Variants in MAGI1 observed in about 807,000 individuals in gnomAD.
MAGI1 encodes the protein membrane-associated guanylate kinase, WW and PDZ domain-containing protein 1.
MAGI1 carries 58 observed loss-of-function variants against 139.9 expected under a neutral mutation model. The observed-to-expected ratio is 0.41, with a 90% CI of 0.34 to 0.52. The LOEUF (loss-of-function observed/expected upper bound fraction) is 0.52. Among genes scored for constraint, MAGI1 ranks in the 20% least tolerant of loss-of-function variants. The probability of loss-of-function intolerance (pLI) is 0.12; values close to 1 mark genes in which losing one functional copy is unlikely to be tolerated. For missense variants in MAGI1, 1,874 were observed against 1,901.6 expected, an observed-to-expected ratio of 0.99 and a Z score of 0.27; for synonymous variants, 812 against 737.9, an observed-to-expected ratio of 1.10 and a Z score of -1.63.
chr3:65,636,509 C>T (rs1387238249), intron 1 of MAGI1, among the ~76,000 whole-genome samples: 1 of 152,138 alleles, frequency 6.6e-6, no homozygotes, highest in Admixed American at 6.5e-5. Context: ...GGCCATATGC[C>T]AATCTTGACA....
intron 1 of MAGI1, among the ~76,000 whole-genome samples, chr3:65,632,002 G>A (rs1383954287): frequency 2.0e-5 from 3 of 149,096 alleles, no homozygotes; most frequent in Non-Finnish European, 2.9e-5. Context: ...TCCAGCCGGG[G>A]CAACAGAATG....
chr3:65,880,070 A>AT (rs2060264459), intron 1 of MAGI1, among the ~76,000 whole-genome samples: 1 of 152,090 alleles, frequency 6.6e-6, no homozygotes, highest in Non-Finnish European at 1.5e-5. Context: ...GATGAAACCC[A>AT]GTCTCTACTA....
intron 1 of MAGI1, among the ~76,000 whole-genome samples, chr3:65,998,105 GA>G (rs374034371): frequency 3.1e-3 from 385 of 122,412 alleles, no homozygotes; most frequent in Non-Finnish European, 4.6e-3. Context: ...TCTGTCTCGG[GA>G]AAAAAAAAAA....
chr3:65,434,043 G>A (rs548502544), intron 10 of MAGI1, among the ~76,000 whole-genome samples: 15 of 152,066 alleles, frequency 9.9e-5, no homozygotes, highest in Admixed American at 6.6e-4. Flanking sequence ...CTTCCATACC[G>A]AACAGCATAG....
intron 1 of MAGI1, among the ~76,000 whole-genome samples, chr3:65,757,931 T>C (rs1194592266): frequency 6.6e-6 from 1 of 152,202 alleles, no homozygotes; most frequent in African/African-American, 2.4e-5. Flanking sequence ...CACATAATCT[T>C]CTCTAGAGAG....
intron 1 of MAGI1, among the ~76,000 whole-genome samples, chr3:65,632,665 A>G (rs2084379627): frequency 6.6e-6 from 1 of 152,128 alleles, no homozygotes; most frequent in Non-Finnish European, 1.5e-5. Flanking sequence ...GTGCACATGA[A>G]CTCTATCCAA....
chr3:65,496,597 A>G (rs931075047), intron 2 of MAGI1, among the ~76,000 whole-genome samples: 34 of 152,186 alleles, frequency 2.2e-4, no homozygotes, highest in African/African-American at 8.0e-4. Context: ...ACCCATCATC[A>G]AGGTATTAAG....
chr3:65,772,238 A>C, intron 1 of MAGI1, among the ~76,000 whole-genome samples: 1 of 152,194 alleles, frequency 6.6e-6, no homozygotes, highest in East Asian at 1.9e-4. Context: ...ATAACCTATT[A>C]GGCCCAATCC....
intron 1 of MAGI1, among the ~76,000 whole-genome samples, chr3:65,970,038 C>T (rs1380497658): frequency 6.6e-6 from 1 of 152,014 alleles, no homozygotes; most frequent in African/African-American, 2.4e-5. Flanking sequence ...ATGGTTCCAC[C>T]CATAGGAAAA....
chr3:65,830,534 C>T (rs994371003), intron 1 of MAGI1, among the ~76,000 whole-genome samples: 1 of 152,160 alleles, frequency 6.6e-6, no homozygotes, highest in African/African-American at 2.4e-5. Flanking sequence ...CACAACTTCT[C>T]TCAGTGGACA....
At chr3:65,571,171 G>T (rs2080939954) in intron 2 of MAGI1, among the ~76,000 whole-genome samples, 1 of 152,092 alleles carries the variant, frequency 6.6e-6, no homozygotes, top group South Asian at 2.1e-4. Flanking sequence ...CTGCATTAGG[G>T]ATTAACGGCT....
At chr3:65,673,388 C>G in intron 1 of MAGI1, among the ~76,000 whole-genome samples, 1 of 152,152 alleles carries the variant, frequency 6.6e-6, no homozygotes, top group Middle Eastern at 3.4e-3. Flanking sequence ...TGTTTTTTTA[C>G]GTAAAAACAT....
At chr3:65,438,970 T>C (rs1407034689) in intron 9 of MAGI1, among the ~76,000 whole-genome samples, 4 of 152,224 alleles carry the variant, frequency 2.6e-5, no homozygotes, top group Admixed American at 1.3e-4. Flanking sequence ...CTGTAGTCTA[T>C]GGTTTACATT....
intron 5 of MAGI1, among the ~76,000 whole-genome samples, chr3:65,457,266 T>A (rs983398711): frequency 6.6e-6 from 1 of 152,200 alleles, no homozygotes; most frequent in Non-Finnish European, 1.5e-5. Context: ...TACTTTATGA[T>A]TGGCTTTTCC....
chr3:66,021,186 C>T (rs2067940799), intron 1 of MAGI1, among the ~76,000 whole-genome samples: 1 of 152,152 alleles, frequency 6.6e-6, no homozygotes, highest in South Asian at 2.1e-4. Flanking sequence ...ATGTAAAATT[C>T]AGTTCCTCAG....
intron 10 of MAGI1, 32 bp downstream of exon 10, chr3:65,437,123 C>T (rs201317872): frequency 3.2e-4 from 473 of 1,466,610 alleles, no homozygotes; most frequent in Admixed American, 1.5e-3. Context: ...TGAGCTAAAA[C>T]CATGACACAA....
Position 65,769,058 on chromosome 3 carries a change from G to A in MAGI1, c.314-146970C>T, listed in dbSNP as rs561393680. Among the ~76,000 whole-genome samples the A allele has an allele frequency of 2.7e-3, 413 of 151,760 alleles. 1 individual carries two copies. Among genetic ancestry groups the A allele is most frequent in the Non-Finnish European group, 5.1e-3 (347 of 67,930 alleles). On this transcript the variant is annotated intron_variant, in intron 1 of 22. Coordinates refer to ENST00000402939, the MANE Select transcript of MAGI1 (RefSeq NM_001033057.2). ...TTTCAATTTTAAAGCCACTGGGCCT[G>A]AAAAAAAAGAAATGCCTTTTTAAAA...
chr3:65,891,765 C>G (rs896491924), intron 1 of MAGI1, among the ~76,000 whole-genome samples: 2 of 143,688 alleles, frequency 1.4e-5, no homozygotes, highest in Non-Finnish European at 3.1e-5. Flanking sequence ...GGAGGGATAG[C>G]TTTAGGAGAT....
At chr3:65,739,049 T>C (rs72908217) in intron 1 of MAGI1, among the ~76,000 whole-genome samples, 9,280 of 152,224 alleles carry the variant, frequency 0.061, 937 homozygotes, top group African/African-American at 0.2. Context: ...GCTAGGAAAG[T>C]CCTGGACAAC....
Sources: gnomAD v4.1 joint callset for allele counts (sites outside exome capture counted in the v4.1 genomes callset) on GRCh38, gnomAD v4.1.1 for gene constraint, MANE v1.5 for transcripts, NCBI Gene and HGNC (gene_info 2026-07-23, HGNC 2026-07-21) for gene names.